Variants in PIP5K1B observed in about 807,000 individuals in gnomAD.
The protein encoded by PIP5K1B is phosphatidylinositol-4-phosphate 5-kinase type 1 beta, also known as phosphatidylinositol 4-phosphate 5-kinase type-1 beta.
A neutral mutation model predicts 67.0 loss-of-function variants in PIP5K1B; 42 were observed. That is an observed-to-expected ratio of 0.63 (90% CI 0.49 to 0.81). The LOEUF (loss-of-function observed/expected upper bound fraction) is 0.81, where lower values mean the gene tolerates loss of function less well. Ranked by LOEUF, PIP5K1B falls within the 30% of genes least tolerant of loss-of-function variation. The pLI is 0.00. For synonymous variants in PIP5K1B, 214 were observed against 231.4 expected (o/e 0.92, Z 0.68); for missense variants, 459 against 646.3 (o/e 0.71, Z 3.14).
chr9:68,869,697 G>C (rs1823538033), intron 5 of PIP5K1B, among the ~76,000 whole-genome samples: 1 of 152,224 alleles, frequency 6.6e-6, no homozygotes, highest in Non-Finnish European at 1.5e-5. Flanking sequence ...GATTGCCAAG[G>C]CTGGCTGCAG....
At chr9:68,990,687 CAG>C (rs1371611746) in intron 14 of PIP5K1B, among the ~76,000 whole-genome samples, 1 of 150,264 alleles carries the variant, frequency 6.7e-6, no homozygotes, top group Non-Finnish European at 1.5e-5. Context: ...TTTTTTGAGA[CAG>C]AGTCTCACTT....
intron 6 of PIP5K1B, among the ~76,000 whole-genome samples, chr9:68,883,766 G>T (rs1383370250): frequency 6.6e-6 from 1 of 151,876 alleles, no homozygotes; most frequent in Non-Finnish European, 1.5e-5. Context: ...TATCAAAACA[G>T]CATGGTACTA....
intron 6 of PIP5K1B, among the ~76,000 whole-genome samples, chr9:68,883,438 A>T (rs1824300011): frequency 6.6e-6 from 1 of 152,242 alleles, no homozygotes; most frequent in Non-Finnish European, 1.5e-5. Context: ...GTGGACGATC[A>T]AAGTTGCCAA....
chr9:68,748,891 C>T (rs921897282), intron 2 of PIP5K1B, among the ~76,000 whole-genome samples: 32 of 152,156 alleles, frequency 2.1e-4, no homozygotes, highest in Middle Eastern at 6.8e-3. Flanking sequence ...AGATTACAGG[C>T]GTGACCCACC....
At chr9:68,921,560 G>C (rs555612440) in intron 11 of PIP5K1B, among the ~76,000 whole-genome samples, 2 of 152,174 alleles carry the variant, frequency 1.3e-5, no homozygotes, top group African/African-American at 4.8e-5. Context: ...CCAACCAGGT[G>C]CATCTAAGGG....
At chr9:68,724,721 GATT>G (rs1828071040) in intron 1 of PIP5K1B, among the ~76,000 whole-genome samples, 1 of 151,282 alleles carries the variant, frequency 6.6e-6, no homozygotes, top group Non-Finnish European at 1.5e-5. Flanking sequence ...TTTCTTTTTC[GATT>G]TGATCACTGT....
chr9:68,811,281 G>C (rs1033249633), intron 2 of PIP5K1B, among the ~76,000 whole-genome samples: 1 of 151,948 alleles, frequency 6.6e-6, no homozygotes, highest in Admixed American at 6.6e-5. Context: ...TTGTTTTATG[G>C]CCCATCATTG....
At chr9:68,706,707 A>G (rs1465954909) in intron 1 of PIP5K1B, among the ~76,000 whole-genome samples, 1 of 152,178 alleles carries the variant, frequency 6.6e-6, no homozygotes, top group Non-Finnish European at 1.5e-5. Flanking sequence ...CCTAGCTTTA[A>G]GGGGAATGAT....
chr9:68,953,503 G>C (rs1419294944), intron 14 of PIP5K1B, among the ~76,000 whole-genome samples: 1 of 151,906 alleles, frequency 6.6e-6, no homozygotes, highest in African/African-American at 2.4e-5. Context: ...CTCAACTAAG[G>C]CTTGAGTGGG....
chr9:68,810,532 A>C (rs1833106249), intron 2 of PIP5K1B, among the ~76,000 whole-genome samples: 1 of 152,208 alleles, frequency 6.6e-6, no homozygotes, highest in Non-Finnish European at 1.5e-5. Context: ...TTGTGTCTAC[A>C]GATTGGCCTA....
chr9:68,845,366 C>G (rs969454999), intron 4 of PIP5K1B, among the ~76,000 whole-genome samples: 5 of 152,162 alleles, frequency 3.3e-5, no homozygotes, highest in African/African-American at 1.2e-4. Context: ...AGCTAGAAGC[C>G]TAGAGCCAGA....
At chr9:68,998,821 CGGTTT>C (rs1215526568) in intron 15 of PIP5K1B, among the ~76,000 whole-genome samples, 1 of 152,128 alleles carries the variant, frequency 6.6e-6, no homozygotes, top group Non-Finnish European at 1.5e-5. Flanking sequence ...AAGGACTATT[CGGTTT>C]ATAAAAAATA....
intron 2 of PIP5K1B, among the ~76,000 whole-genome samples, chr9:68,787,630 T>C (rs1831700963): frequency 8.2e-6 from 1 of 121,532 alleles, no homozygotes; most frequent in Admixed American, 8.0e-5. Flanking sequence ...TTCTTTCTAA[T>C]CTTTCTTTCT....
intron 14 of PIP5K1B, among the ~76,000 whole-genome samples, chr9:68,983,843 G>A (rs1347616871): frequency 6.6e-6 from 1 of 152,148 alleles, no homozygotes; most frequent in African/African-American, 2.4e-5. Flanking sequence ...TTGAGCCCAG[G>A]AGTTTGACAC....
intron 3 of PIP5K1B, among the ~76,000 whole-genome samples, chr9:68,821,421 G>A (rs1012855710): frequency 3.3e-5 from 5 of 152,164 alleles, no homozygotes; most frequent in Admixed American, 6.5e-5. Context: ...ATAAATGGAC[G>A]AAACAATGGA....
chr9:68,906,191 G>C (rs964557899), intron 8 of PIP5K1B, among the ~76,000 whole-genome samples: 1 of 152,008 alleles, frequency 6.6e-6, no homozygotes, highest in African/African-American at 2.4e-5. Flanking sequence ...GCTAATTTTT[G>C]TATTTTTTGT....
intron 4 of PIP5K1B, among the ~76,000 whole-genome samples, chr9:68,844,949 A>G (rs530479192): frequency 2.0e-4 from 30 of 151,178 alleles, no homozygotes; most frequent in African/African-American, 7.3e-4. Flanking sequence ...AGTGGGAGGG[A>G]AAAAAAAACA....
chr9:68,951,403 A>G (rs1828060758), intron 14 of PIP5K1B, among the ~76,000 whole-genome samples: 1 of 152,170 alleles, frequency 6.6e-6, no homozygotes, highest in Non-Finnish European at 1.5e-5. Context: ...TTTGTCTGGG[A>G]GAAGATTTTT....
At chr9:68,935,476 A>G (rs1361733677) in intron 13 of PIP5K1B, among the ~76,000 whole-genome samples, 1 of 152,166 alleles carries the variant, frequency 6.6e-6, no homozygotes, top group Non-Finnish European at 1.5e-5. Context: ...CCAAATAAAT[A>G]AATAAATAAA....
Sources: gnomAD v4.1 joint callset for allele counts (sites outside exome capture counted in the v4.1 genomes callset) on GRCh38, gnomAD v4.1.1 for gene constraint, MANE v1.5 for transcripts, NCBI Gene and HGNC (gene_info 2026-07-23, HGNC 2026-07-21) for gene names.